FARP1: variants seen among roughly 807,000 people sequenced by gnomAD.
FARP1 encodes FERM, ARHGEF and pleckstrin domain-containing protein 1.
In FARP1, 52 loss-of-function variants were observed where a neutral mutation model predicts 128.8. That is an observed-to-expected ratio of 0.40 (90% CI 0.32 to 0.51). The LOEUF is 0.51. Among genes scored for constraint, FARP1 ranks in the 20% least tolerant of loss-of-function variants. FARP1 has a pLI of 0.45. For missense variants in FARP1, 1,333 were observed against 1,367.9 expected (o/e 0.97, Z 0.40); for synonymous variants, 580 against 551.8 (o/e 1.05, Z -0.72).
At chr13:98,261,736 C>G (rs2139540331) in intron 2 of FARP1, among the ~76,000 whole-genome samples, 1 of 152,194 alleles carries the variant, frequency 6.6e-6, no homozygotes, top group South Asian at 2.1e-4. Context: ...GCAAGGCATG[C>G]TTCGAATTTC....
At chr13:98,184,068 T>C (rs1878701657) in intron 1 of FARP1, among the ~76,000 whole-genome samples, 1 of 152,192 alleles carries the variant, frequency 6.6e-6, no homozygotes, top group Non-Finnish European at 1.5e-5. Flanking sequence ...TTTAAAATAC[T>C]TGAGAAGGGA....
rs1264075562 is a variant in FARP1 at position 98,448,715 on chromosome 13, A to C, written c.*398A>C. 2 of 160,350 alleles carry C rather than the reference A, an allele frequency of 1.2e-5. No homozygotes were observed. Among genetic ancestry groups the C allele is most frequent in the Non-Finnish European group, 2.7e-5 (2 of 75,290 alleles). The allele number at this position is 160,350 out of a possible 1,614,324, so 9.9% of individuals were successfully genotyped here. On this transcript the variant is annotated 3_prime_UTR_variant, in exon 27 of 27. Coordinates refer to ENST00000319562, the MANE Select transcript of FARP1 (RefSeq NM_005766.4). ...ATTATTTTCACCTATTGGCTGCTGC[A>C]TTTTACGAAGTGGACTTCCCGGTGT...
intron 14 of FARP1, among the ~76,000 whole-genome samples, chr13:98,410,334 A>G (rs747890478): frequency 1.1e-4 from 17 of 152,224 alleles, no homozygotes; most frequent in Admixed American, 7.2e-4. Flanking sequence ...CCCACAATGT[A>G]ACTTCCATGT....
chr13:98,191,295 C>T (rs189019350), intron 1 of FARP1, among the ~76,000 whole-genome samples: 3 of 152,264 alleles, frequency 2.0e-5, no homozygotes, highest in East Asian at 1.9e-4. Context: ...CTGGGTGAAA[C>T]GAGCACTGGG....
chr13:98,155,243 G>A (rs554706777), intron 1 of FARP1, among the ~76,000 whole-genome samples: 1 of 151,832 alleles, frequency 6.6e-6, no homozygotes, highest in East Asian at 2.0e-4. Context: ...CTACTTGGGA[G>A]GCTGATGCAG....
In FARP1 at chr13:98,446,191, T is replaced by C. The variant is rs758620517; in HGVS notation, c.2890T>C (p.Tyr964His). Residue 964 changes from tyrosine (Y) to histidine (H), a missense_variant, in exon 25 of 27, where the codon TAC (tyrosine) becomes CAC (histidine). Transcript: ENST00000319562. ...GTTCACAAACTTCTGCCTGTTCTTC[T>C]ACAAATCACACCAGGTAAGTGTCTC... Reference protein sequence around the residue: ...VVFTNFCLFFYKSHQDNHPLA... With the variant: ...VVFTNFCLFFHKSHQDNHPLA... 3.2e-5 allele frequency: 52 copies of C among 1,611,980 alleles called. No homozygotes were observed. Among genetic ancestry groups the C allele is most frequent in the Non-Finnish European group, 4.3e-5 (51 of 1,178,118 alleles).
chr13:98,178,091 A>T (rs1018784426), intron 1 of FARP1, among the ~76,000 whole-genome samples: 3 of 152,092 alleles, frequency 2.0e-5, no homozygotes, highest in Non-Finnish European at 2.9e-5. Context: ...GTAAACATTT[A>T]AAAAAATATT....
intron 2 of FARP1, chr13:98,329,943 T>C (rs969902859): frequency 1.3e-5 from 2 of 152,028 alleles, no homozygotes; most frequent in South Asian, 2.1e-4. Context: ...GAAAGTGGTA[T>C]GTAAAAGTGA....
intron 6 of FARP1, chr13:98,383,863 A>T (rs1412383877): frequency 6.6e-6 from 1 of 152,226 alleles, no homozygotes; most frequent in African/African-American, 2.4e-5. Context: ...AAGACTTTGC[A>T]ATCTGATCTG....
chr13:98,341,690 C>T (rs1036557429), intron 2 of FARP1, among the ~76,000 whole-genome samples: 10 of 152,096 alleles, frequency 6.6e-5, no homozygotes, highest in Middle Eastern at 3.2e-3. Context: ...ATGGCAATGT[C>T]GTGAAAGCAT....
intron 17 of FARP1, among the ~76,000 whole-genome samples, chr13:98,427,726 C>T (rs1319917390): frequency 6.6e-6 from 1 of 151,582 alleles, no homozygotes; most frequent in Non-Finnish European, 1.5e-5. Flanking sequence ...GGCGTTCTTT[C>T]TCCTCGGTCT....
chr13:98,445,840 G>A (rs541510710), intron 24 of FARP1: 2 of 403,956 alleles, frequency 5.0e-6, no homozygotes, highest in Middle Eastern at 6.6e-4. Flanking sequence ...TAAGGTACTG[G>A]TAGTCAGGAC....
At chr13:98,387,819 A>T (rs1229533736) in intron 8 of FARP1, among the ~76,000 whole-genome samples, 1 of 152,248 alleles carries the variant, frequency 6.6e-6, no homozygotes, top group Admixed American at 6.5e-5. Context: ...ACCAGCGTGG[A>T]TGAAGCAGGG....
intron 1 of FARP1, among the ~76,000 whole-genome samples, chr13:98,197,931 G>A (rs146839938): frequency 0.014 from 2,090 of 152,144 alleles, 46 homozygotes; most frequent in African/African-American, 0.047. Flanking sequence ...CACCGCGCCC[G>A]GCCAAAAGTT....
At chr13:98,363,609 C>T (rs945241649) in intron 3 of FARP1, among the ~76,000 whole-genome samples, 3 of 152,186 alleles carry the variant, frequency 2.0e-5, no homozygotes, top group African/African-American at 7.2e-5. Context: ...CAACTCCAGA[C>T]CGCTCCTATA....
At chr13:98,224,964 A>G (rs3923333) in intron 2 of FARP1, among the ~76,000 whole-genome samples, 14,497 of 152,224 alleles carry the variant, frequency 0.095, 1,782 homozygotes, top group East Asian at 0.49. Flanking sequence ...ACATGGCTTC[A>G]CATGGCAGGC....
chr13:98,235,040 T>C (rs1049788763), intron 2 of FARP1, among the ~76,000 whole-genome samples: 22 of 152,198 alleles, frequency 1.4e-4, no homozygotes, highest in African/African-American at 9.7e-5. Context: ...ATATCCCTCA[T>C]TGAGTAATAA....
At chr13:98,276,236 A>G (rs1884648560) in intron 2 of FARP1, among the ~76,000 whole-genome samples, 1 of 152,168 alleles carries the variant, frequency 6.6e-6, no homozygotes, top group Non-Finnish European at 1.5e-5. Context: ...AACAAGACCC[A>G]TTTCTCAATT....
intron 2 of FARP1, among the ~76,000 whole-genome samples, chr13:98,261,701 T>A (rs1320463163): frequency 6.6e-6 from 1 of 152,110 alleles, no homozygotes; most frequent in East Asian, 1.9e-4. Flanking sequence ...GCTGTGTAGG[T>A]GTGGAGGAAA....
Sources: gnomAD v4.1 joint callset for allele counts (sites outside exome capture counted in the v4.1 genomes callset) on GRCh38, gnomAD v4.1.1 for gene constraint, MANE v1.5 for transcripts, NCBI Gene and HGNC (gene_info 2026-07-23, HGNC 2026-07-21) for gene names.